The following CARD8 variants were observed in gnomAD, a reference collection of about 807,000 sequenced individuals.
CARD8 encodes the protein caspase recruitment domain-containing protein 8.
In CARD8, 38 loss-of-function variants were observed where a neutral mutation model predicts 53.2. That is an observed-to-expected ratio of 0.71 (90% confidence interval 0.55 to 0.94). CARD8 has a LOEUF of 0.94. Ranked by LOEUF, CARD8 falls within the 40% of genes least tolerant of loss-of-function variation. The pLI, the probability that CARD8 is intolerant of heterozygous loss-of-function variation, is 0.00. For missense variants in CARD8, 561 were observed against 655.5 expected (o/e 0.86, Z 1.57); for synonymous variants, 245 against 244.9 (o/e 1.00, Z 0.00).
chr19:48,234,542 C>T lies in CARD8; in HGVS notation c.211G>A (p.Val71Ile), dbSNP rs765240128. 1.9e-6 allele frequency: 3 copies of T among 1,611,386 alleles called. No individual in the cohort carries two copies. In the South Asian group the frequency reaches 3.3e-5, roughly 18 times the overall value. ...QAEACVTNDT[V>I]YRELPCVSET... is the part of the protein sequence containing the mutation. ...GAAACACAGGGTAGCTCCCTGTATA[C>T]CCTGGAAAACAACAACAGAATTTTT... Residue 71 changes from valine to isoleucine, a missense_variant and splice_region_variant, in exon 6 of 14, where the codon GTA (valine) becomes ATA (isoleucine). Transcript: ENST00000651546.
chr19:48,219,442 C>T (rs1375981631), intron 11 of CARD8, among the ~76,000 whole-genome samples: 1 of 152,046 alleles, frequency 6.6e-6, no homozygotes, highest in African/African-American at 2.4e-5. Context: ...CTCTGTTTTG[C>T]ACCCAGTCTC....
intron 12 of CARD8, 123 bp from the exon 13 acceptor site, chr19:48,215,507 T>G: frequency 1.5e-6 from 1 of 675,316 alleles, no homozygotes; most frequent in East Asian, 3.0e-5. Flanking sequence ...AAGGCTCTTG[T>G]TTTGCACACT....
At chr19:48,254,540 AG>A (rs1277996370) in intron 1 of CARD8, among the ~76,000 whole-genome samples, 1 of 152,108 alleles carries the variant, frequency 6.6e-6, no homozygotes, top group Non-Finnish European at 1.5e-5. Context: ...ATCACAAGTC[AG>A]GGGTTCGAGA....
rs1300839716 is a variant in CARD8 at position 48,249,825 on chromosome 19, C to T, written c.-229G>A. ...GTTGCTTGGACACTGCCAGGCTGCT[C>T]TGTGTTCTGTTCCTCTTGGTCACTT... On this transcript the variant is annotated 5_prime_UTR_variant, in exon 2 of 14. Coordinates refer to ENST00000651546, the MANE Select transcript of CARD8 (RefSeq NM_001184900.3). 1.3e-5 allele frequency: 2 copies of T among 152,310 alleles called. No homozygotes were observed. Among genetic ancestry groups the T allele is most frequent in the African/African-American group, 4.8e-5 (2 of 41,444 alleles). 9.4% of individuals were successfully genotyped at this position (152,310 alleles called of 1,614,324 possible). A position where few individuals can be genotyped will look rare whatever the true frequency, so the allele number is the denominator to read the frequency against.
intron 3 of CARD8, among the ~76,000 whole-genome samples, chr19:48,246,737 A>G (rs2046182958): frequency 6.6e-6 from 1 of 152,234 alleles, no homozygotes; most frequent in Admixed American, 6.5e-5. Flanking sequence ...TGCTGAATGA[A>G]GATTAAAGCT....
intron 12 of CARD8, among the ~76,000 whole-genome samples, chr19:48,218,115 T>C (rs150529402): frequency 8.9e-4 from 136 of 152,306 alleles, no homozygotes; most frequent in African/African-American, 2.8e-3. Context: ...AATGCCACCA[T>C]TGTTGTGTTA....
intron 4 of CARD8, among the ~76,000 whole-genome samples, chr19:48,240,630 G>A (rs2044818372): frequency 6.6e-6 from 1 of 152,030 alleles, no homozygotes. Flanking sequence ...GTAGCCAGGC[G>A]TGGTGGTGCA....
intron 5 of CARD8, among the ~76,000 whole-genome samples, chr19:48,236,778 T>G (rs2043969227): frequency 6.6e-6 from 1 of 152,120 alleles, no homozygotes; most frequent in Non-Finnish European, 1.5e-5. Context: ...CTGGTTTTTT[T>G]GTTTTTTGTT....
chr19:48,221,919 A>T (rs2040723773), intron 10 of CARD8, 64 bp from the exon 11 acceptor site: 4 of 1,423,420 alleles, frequency 2.8e-6, no homozygotes, highest in Non-Finnish European at 3.8e-6. Context: ...AGTGGCATAA[A>T]AAGTTATTTA....
intron 10 of CARD8, among the ~76,000 whole-genome samples, chr19:48,222,783 C>CTCAATA (rs1167533698): frequency 6.6e-6 from 1 of 151,988 alleles, no homozygotes; most frequent in Non-Finnish European, 1.5e-5. Context: ...TCAGGTACAA[C>CTCAATA]TCAATAGAGA....
chr19:48,232,446 C>T lies in CARD8; in HGVS notation c.391+7G>A. 1 of 1,534,966 alleles carries T rather than the reference C, an allele frequency of 6.5e-7. No individual in the cohort carries two copies. The highest frequency in any genetic ancestry group is 2.4e-5 in the East Asian group (1 of 40,912). On this transcript the variant is annotated splice_region_variant and intron_variant, in intron 7 of 13. Coordinates refer to ENST00000651546, the MANE Select transcript of CARD8 (RefSeq NM_001184900.3). ...GCCCTTCACTCCTCTCCCTATTAGCCCATTACCTGAATCTTGTCCCTCTGA... is the reference window on the plus strand; with the variant it reads ...GCCCTTCACTCCTCTCCCTATTAGCTCATTACCTGAATCTTGTCCCTCTGA...
At chr19:48,225,823 C>A (rs533061866) in intron 10 of CARD8, among the ~76,000 whole-genome samples, 1 of 151,992 alleles carries the variant, frequency 6.6e-6, no homozygotes, top group South Asian at 2.1e-4. Flanking sequence ...GAGGCTGAGG[C>A]GGGTGGATCA....
intron 4 of CARD8, among the ~76,000 whole-genome samples, chr19:48,240,504 C>G (rs2044785323): frequency 6.6e-6 from 1 of 152,046 alleles, no homozygotes; most frequent in South Asian, 2.1e-4. Flanking sequence ...CGCAGTGGCT[C>G]ACTCCTGTAA....
Position 48,210,212 on chromosome 19 carries a change from A to G in CARD8, c.*1498T>C, listed in dbSNP as rs1342963418. 6.6e-6 allele frequency: 1 copy of G among 152,212 alleles called. No homozygotes were observed. The highest frequency in any genetic ancestry group is 1.5e-5 in the Non-Finnish European group (1 of 68,020). The allele number at this position is 152,212 out of a possible 1,614,324, so 9.4% of individuals were successfully genotyped here. A position where few individuals can be genotyped will look rare whatever the true frequency, so the allele number is the denominator to read the frequency against. On this transcript the variant is annotated 3_prime_UTR_variant, in exon 14 of 14. Coordinates refer to ENST00000651546, the MANE Select transcript of CARD8 (RefSeq NM_001184900.3). The stretch of plus-strand genomic sequence containing the variant: ...GGAAGCTAAAAGGAAACTGCTGAAC[A>G]GAAAACAATGTCAACTAAAAATACT...
Position 48,231,150 on chromosome 19 carries a change from G to A in CARD8, c.543-144C>T, listed in dbSNP as rs368375340. ...TCACTACATTAGAAAACGCTGGGGA[G>A]TTCATTAACCTCTCTGGGCCCCAAT... On this transcript the variant is annotated intron_variant, in intron 8 of 13. Transcript: ENST00000651546. 951 of 654,532 alleles carry A rather than the reference G, an allele frequency of 1.5e-3. 11 individuals carry two copies. Among genetic ancestry groups the A allele is most frequent in the South Asian group, 0.012 (661 of 53,292 alleles). The allele number at this position is 654,532 out of a possible 1,614,324, so 40.5% of individuals were successfully genotyped here.
intron 10 of CARD8, among the ~76,000 whole-genome samples, chr19:48,228,351 C>T (rs2042187757): frequency 6.6e-6 from 1 of 152,214 alleles, no homozygotes; most frequent in African/African-American, 2.4e-5. Context: ...GAAAAATGGT[C>T]TTCTGCAAAA....
At chr19:48,233,594 C>T (rs924764585) in intron 6 of CARD8, 2 of 342,378 alleles carry the variant, frequency 5.8e-6, no homozygotes, top group African/African-American at 4.3e-5. Flanking sequence ...TTTATATTCT[C>T]TTTCCTGGTG....
intron 12 of CARD8, among the ~76,000 whole-genome samples, chr19:48,215,927 G>C (rs2039185397): frequency 6.6e-6 from 1 of 152,018 alleles, no homozygotes; most frequent in African/African-American, 2.4e-5. Context: ...GATGAATTTT[G>C]CAACATGCCC....
chr19:48,248,085 C>G (rs1443594711), intron 3 of CARD8, among the ~76,000 whole-genome samples: 1 of 151,952 alleles, frequency 6.6e-6, no homozygotes, highest in African/African-American at 2.4e-5. Context: ...CTTTTTTACT[C>G]CCATGAAAAT....
Sources: gnomAD v4.1 joint callset for allele counts (sites outside exome capture counted in the v4.1 genomes callset) on GRCh38, gnomAD v4.1.1 for gene constraint, MANE v1.5 for transcripts, NCBI Gene and HGNC (gene_info 2026-07-23, HGNC 2026-07-21) for gene names.